MAU2: variants seen among roughly 807,000 people sequenced by gnomAD.
MAU2 encodes the protein MAU2 sister chromatid cohesion factor.
MAU2 carries 9 observed loss-of-function variants against 89.1 expected under a neutral mutation model. The observed-to-expected ratio is 0.10, with a 90% CI of 0.06 to 0.18. MAU2 has a LOEUF of 0.18. MAU2 is among the 10% of genes least tolerant of loss of function. The pLI is 1.00. For synonymous variants in MAU2, 357 were observed against 343.4 expected (o/e 1.04, Z -0.44); for missense variants, 425 against 803.5 (o/e 0.53, Z 5.69).
In MAU2 at chr19:19,355,280, T is replaced by C. The variant is rs555053004; in HGVS notation, c.1656T>C (p.Cys552=). The C allele has an allele frequency of 1.1e-5, 17 of 1,614,024 alleles. No homozygotes were observed. Among genetic ancestry groups the C allele is most frequent in the Admixed American group, 5.0e-5 (3 of 60,018 alleles). Residue 552 remains cysteine, a synonymous_variant, in exon 18 of 19, where the codon TGT becomes TGC. Coordinates refer to ENST00000262815, the MANE Select transcript of MAU2 (RefSeq NM_015329.4). Reference sequence around the variant, plus strand: ...CACTCTCAGACCTGAATAAAGCCTGTGGGAACGCCATGGATGCCCATGAAG... The same window carrying C: ...CACTCTCAGACCTGAATAAAGCCTGCGGGAACGCCATGGATGCCCATGAAG... ...SALLRDLNKA[C]GNAMDAHEAA...
Position 19,356,042 on chromosome 19 carries a change from C to T in MAU2, c.*260C>T. 1.6e-6 allele frequency: 1 copy of T among 630,736 alleles called. No homozygotes were observed. The highest frequency in any genetic ancestry group is 3.0e-6 in the Non-Finnish European group (1 of 338,832). 39.1% of individuals were successfully genotyped at this position (630,736 alleles called of 1,614,324 possible). On this transcript the variant is annotated 3_prime_UTR_variant, in exon 19 of 19. Transcript: ENST00000262815. ...CAGAGCCATCCTTCAGAGTGGACCT[C>T]AGTGCCAGTCCTGCCTCAGCATCTG...
chr19:19,354,489 C>G, intron 17 of MAU2, 44 bp downstream of exon 17: 3 of 1,546,746 alleles, frequency 1.9e-6, no homozygotes, highest in Non-Finnish European at 2.7e-6. Context: ...CAGCCTGGCC[C>G]TCCCCAGAGA....
intron 15 of MAU2, 28 bp downstream of exon 15, chr19:19,349,260 G>A (rs780567128): frequency 6.2e-7 from 1 of 1,614,080 alleles, no homozygotes; most frequent in East Asian, 2.2e-5. Flanking sequence ...GGTGGCGTGA[G>A]GGCCATGCTC....
intron 12 of MAU2, among the ~76,000 whole-genome samples, chr19:19,346,225 T>G (rs1266413408): frequency 6.6e-6 from 1 of 152,108 alleles, no homozygotes; most frequent in East Asian, 1.9e-4. Context: ...CACCCACTCC[T>G]CTGCCTCCTC....
Position 19,345,456 on chromosome 19 carries a change from G to A in MAU2, c.1221+87G>A, listed in dbSNP as rs973168967. On this transcript the variant is annotated intron_variant, in intron 12 of 18. Coordinates refer to ENST00000262815, the MANE Select transcript of MAU2 (RefSeq NM_015329.4). The surrounding 1 kb of genome is among the most constrained non-coding windows in gnomAD (Gnocchi z 4.9). ...GTGGTCTGTGATGAGGACAGCAGTC[G>A]CGCTAGGTCAGCTATGCAAAGCCGC... 1.5e-5 allele frequency: 19 copies of A among 1,306,134 alleles called. No homozygotes were observed. Among genetic ancestry groups the A allele is most frequent in the African/African-American group, 4.3e-5 (3 of 69,126 alleles). 80.9% of individuals were successfully genotyped at this position (1,306,134 alleles called of 1,614,324 possible).
chr19:19,326,462 G>A (rs1416777618), intron 1 of MAU2, among the ~76,000 whole-genome samples: 1 of 151,530 alleles, frequency 6.6e-6, no homozygotes, highest in Non-Finnish European at 1.5e-5. Context: ...CAAGGTGGGC[G>A]GATCACGAGG....
Position 19,325,338 on chromosome 19 carries a change from G to A in MAU2, c.276+4203G>A, listed in dbSNP as rs190871560. Among the ~76,000 whole-genome samples the A allele has an allele frequency of 3.9e-5, 6 of 152,068 alleles. No homozygotes were observed. In the East Asian group the frequency reaches 1.2e-3, roughly 29 times the overall value. On this transcript the variant is annotated intron_variant, in intron 1 of 18. Transcript: ENST00000262815. ...TTACAGGCGCCCACCACCACGCCCAGCTAATTTTTGTATTTTTAGTAAAGA... is the reference window on the plus strand; with the variant it reads ...TTACAGGCGCCCACCACCACGCCCAACTAATTTTTGTATTTTTAGTAAAGA...
intron 5 of MAU2, 29 bp from the exon 6 acceptor site, chr19:19,340,817 G>A: frequency 3.7e-6 from 6 of 1,612,698 alleles, no homozygotes; most frequent in Non-Finnish European, 5.1e-6. Context: ...GGGCCTGCTA[G>A]GACCTGACCC....
At chr19:19,327,153 A>C (rs1599890071) in intron 1 of MAU2, among the ~76,000 whole-genome samples, 4 of 124,736 alleles carry the variant, frequency 3.2e-5, no homozygotes, top group African/African-American at 3.1e-5. Context: ...ATGGACTCTC[A>C]CTCTGTTGCC....
chr19:19,336,675 C>G (rs183763251), intron 3 of MAU2, among the ~76,000 whole-genome samples: 49 of 152,348 alleles, frequency 3.2e-4, no homozygotes, highest in Non-Finnish European at 6.3e-4. Context: ...GCTTCCTTTT[C>G]TACATAAGAC....
intron 1 of MAU2, 30 bp downstream of exon 1, chr19:19,321,165 G>A (rs2061450446): frequency 6.4e-7 from 1 of 1,553,934 alleles, no homozygotes; most frequent in Non-Finnish European, 8.7e-7. Flanking sequence ...CGAGGGAGGA[G>A]TCGCGGGCTC....
rs2061681929 is a variant in MAU2, at chr19:19,345,025, A to G, written c.1155+99A>G. ...AACATTCCCAGTGAAGGACCCCCTG[A>G]CAGCACCCTAATCAGAATCCGGAAT... On this transcript the variant is annotated intron_variant, in intron 11 of 18. Transcript: ENST00000262815. This position sits in a 1 kb window ranked among gnomAD's most constrained non-coding sequence, Gnocchi z 4.9. 9.4e-7 allele frequency: 1 copy of G among 1,069,026 alleles called. No individual in the cohort carries two copies. Among genetic ancestry groups the G allele is most frequent in the Non-Finnish European group, 1.4e-6 (1 of 710,362 alleles). The allele number at this position is 1,069,026 out of a possible 1,614,324, so 66.2% of individuals were successfully genotyped here.
At chr19:19,330,676 G>T (rs976792603) in intron 1 of MAU2, among the ~76,000 whole-genome samples, 2 of 152,066 alleles carry the variant, frequency 1.3e-5, no homozygotes, top group Non-Finnish European at 2.9e-5. Context: ...GGAGCCGGAG[G>T]GTGCCATGAG....
chr19:19,342,048 C>T (rs556630911), intron 7 of MAU2, among the ~76,000 whole-genome samples: 103 of 152,316 alleles, frequency 6.8e-4, no homozygotes, highest in African/African-American at 2.3e-3. Flanking sequence ...TGAAGCACTG[C>T]ACTCGGCGCA....
chr19:19,346,335 A>G (rs61617608), intron 12 of MAU2, among the ~76,000 whole-genome samples: 1 of 151,888 alleles, frequency 6.6e-6, no homozygotes, highest in African/African-American at 2.4e-5. Context: ...CTCACTCCCC[A>G]CAAGTGGTTG....
At chr19:19,355,160 C>A in intron 17 of MAU2, 104 bp from the exon 18 acceptor site, 1 of 1,433,874 alleles carries the variant, frequency 7.0e-7, no homozygotes, top group Non-Finnish European at 9.5e-7. Context: ...CAGAGATCCA[C>A]CAGTGCAGCT....
intron 13 of MAU2, 178 bp from the exon 14 acceptor site, chr19:19,348,711 A>G: frequency 2.8e-6 from 2 of 711,644 alleles, no homozygotes; most frequent in Admixed American, 4.1e-5. Flanking sequence ...GAGGGTGTGG[A>G]AATCTTGCCC....
chr19:19,341,216 G>A (rs1287548611), intron 6 of MAU2, 36 bp from the exon 7 acceptor site: 7 of 1,598,674 alleles, frequency 4.4e-6, no homozygotes, highest in Non-Finnish European at 6.0e-6. Flanking sequence ...GCCCCTGCAA[G>A]CCCTGTACCC....
At chr19:19,354,998 A>T (rs1021944183) in intron 17 of MAU2, 1 of 430,966 alleles carries the variant, frequency 2.3e-6, no homozygotes, top group African/African-American at 2.0e-5. Flanking sequence ...TGTTTGCCTG[A>T]GGGCTGGCCA....
Sources: gnomAD v4.1 joint callset for allele counts (sites outside exome capture counted in the v4.1 genomes callset) on GRCh38, gnomAD v4.1.1 for gene constraint, Gnocchi (gnomAD v3.1) non-coding constraint, MANE v1.5 for transcripts, NCBI Gene and HGNC (gene_info 2026-07-23, HGNC 2026-07-21) for gene names.